FMNL2: variants seen among roughly 807,000 people sequenced by gnomAD.
The protein encoded by FMNL2 is formin-like protein 2.
Under a neutral mutation model 130.2 loss-of-function variants are expected in FMNL2, and 51 were observed. That is an observed-to-expected ratio of 0.39 (90% confidence interval 0.31 to 0.49). The LOEUF (loss-of-function observed/expected upper bound fraction) is 0.49, where lower values mean the gene tolerates loss of function less well. Among genes scored for constraint, FMNL2 ranks in the 20% least tolerant of loss-of-function variants. The probability of loss-of-function intolerance (pLI) is 0.85; values close to 1 mark genes in which losing one functional copy is unlikely to be tolerated. For missense variants in FMNL2, 977 were observed against 1,316.2 expected (o/e 0.74, Z 3.99); for synonymous variants, 465 against 467.1 (o/e 1.00, Z 0.06).
intron 11 of FMNL2, 127 bp from the exon 12 acceptor site, chr2:152,614,724 C>G: frequency 2.6e-6 from 2 of 757,626 alleles, no homozygotes; most frequent in African/African-American, 2.0e-5. Flanking sequence ...GCCTGGGTGA[C>G]AGAGTGAAAC....
chr2:152,419,636 T>A (rs1187983168), intron 1 of FMNL2, among the ~76,000 whole-genome samples: 4 of 152,114 alleles, frequency 2.6e-5, no homozygotes, highest in Non-Finnish European at 5.9e-5. Context: ...TTTAATAGCT[T>A]TTTTCTGGGA....
At chr2:152,495,206 A>G (rs1047021436) in intron 1 of FMNL2, among the ~76,000 whole-genome samples, 1 of 152,208 alleles carries the variant, frequency 6.6e-6, no homozygotes. Context: ...CAGGAATAAC[A>G]CTAAGGAATT....
At chr2:152,480,592 G>A (rs1690454952) in intron 1 of FMNL2, among the ~76,000 whole-genome samples, 1 of 121,634 alleles carries the variant, frequency 8.2e-6, no homozygotes, top group Non-Finnish European at 1.6e-5. Flanking sequence ...CCGAGATCAT[G>A]TCATTGCACT....
At chr2:152,487,883 G>A (rs1690922659) in intron 1 of FMNL2, among the ~76,000 whole-genome samples, 1 of 151,908 alleles carries the variant, frequency 6.6e-6, no homozygotes, top group South Asian at 2.1e-4. Flanking sequence ...CATCTCCTGG[G>A]TTCAAGTGAT....
intron 23 of FMNL2, 83 bp downstream of exon 23, chr2:152,637,757 G>A (rs548562796): frequency 2.1e-4 from 257 of 1,237,676 alleles, no homozygotes; most frequent in Non-Finnish European, 2.9e-4. Context: ...TCTCTGCAGA[G>A]GCCTCCCAGT....
chr2:152,477,659 G>A (rs150527074), intron 1 of FMNL2, among the ~76,000 whole-genome samples: 1 of 152,094 alleles, frequency 6.6e-6, no homozygotes, highest in African/African-American at 2.4e-5. Flanking sequence ...ATACAAATAG[G>A]TGAGGTTCTT....
intron 8 of FMNL2, among the ~76,000 whole-genome samples, chr2:152,580,522 T>A (rs1252587515): frequency 6.6e-6 from 1 of 152,218 alleles, no homozygotes; most frequent in Non-Finnish European, 1.5e-5. Flanking sequence ...GAGTTTCAGT[T>A]GATTTTGAAC....
At chr2:152,634,018 A>C (rs535424718) in intron 21 of FMNL2, among the ~76,000 whole-genome samples, 1 of 152,350 alleles carries the variant, frequency 6.6e-6, no homozygotes, top group African/African-American at 2.4e-5. Context: ...GTATTAGAGA[A>C]TCAAGGATGA....
At chr2:152,525,224 C>T (rs964240701) in intron 2 of FMNL2, among the ~76,000 whole-genome samples, 1 of 152,114 alleles carries the variant, frequency 6.6e-6, no homozygotes. Flanking sequence ...GGTTTCTTAC[C>T]GAAGTTTTGT....
rs371576320 is a variant in FMNL2, at chr2:152,397,341, C to T, written c.117+61621C>T. ...GTGGGGAAGACTTAGGGAAATTATTCGGATAGTTCAGTTCCTTTCCTTTTA... is the reference window on the plus strand; with the variant it reads ...GTGGGGAAGACTTAGGGAAATTATTTGGATAGTTCAGTTCCTTTCCTTTTA... On this transcript the variant is annotated intron_variant, in intron 1 of 25. Coordinates refer to ENST00000288670, the MANE Select transcript of FMNL2 (RefSeq NM_052905.4). Among the ~76,000 whole-genome samples the T allele has an allele frequency of 5.1e-4, 77 of 151,810 alleles. No individual in the cohort carries two copies. In the Middle Eastern group the frequency reaches 0.01, roughly 20 times the overall value.
chr2:152,604,341 G>C (rs1418528143), intron 9 of FMNL2, among the ~76,000 whole-genome samples: 1 of 150,026 alleles, frequency 6.7e-6, no homozygotes, highest in African/African-American at 2.4e-5. Context: ...CATAAATTGA[G>C]AGCATCAGAT....
chr2:152,512,154 T>C (rs1692527535), intron 1 of FMNL2, among the ~76,000 whole-genome samples: 1 of 152,164 alleles, frequency 6.6e-6, no homozygotes, highest in Admixed American at 6.5e-5. Context: ...CACAAATGTG[T>C]GGATTCAGAC....
chr2:152,392,835 C>A (rs13004473), intron 1 of FMNL2, among the ~76,000 whole-genome samples: 8,860 of 152,208 alleles, frequency 0.058, 319 homozygotes, highest in Non-Finnish European at 0.078. Flanking sequence ...GCTTCCTTGC[C>A]CTCTGGCTTC....
intron 1 of FMNL2, among the ~76,000 whole-genome samples, chr2:152,404,852 C>A (rs1393994559): frequency 6.6e-6 from 1 of 152,122 alleles, no homozygotes; most frequent in Non-Finnish European, 1.5e-5. Flanking sequence ...GTTGAAATAA[C>A]ATGAGATGGA....
chr2:152,444,190 CGAT>C (rs1180686271), intron 1 of FMNL2, among the ~76,000 whole-genome samples: 1 of 151,846 alleles, frequency 6.6e-6, no homozygotes, highest in Non-Finnish European at 1.5e-5. Flanking sequence ...GGGATTTTCA[CGAT>C]GATGATGATG....
At chr2:152,474,908 C>T (rs1386276382) in intron 1 of FMNL2, among the ~76,000 whole-genome samples, 1 of 152,172 alleles carries the variant, frequency 6.6e-6, no homozygotes, top group Non-Finnish European at 1.5e-5. Flanking sequence ...ATTTTTATCA[C>T]TAAGTTGATT....
At chr2:152,426,492 T>G (rs755752067) in intron 1 of FMNL2, among the ~76,000 whole-genome samples, 11 of 152,240 alleles carry the variant, frequency 7.2e-5, no homozygotes, top group Non-Finnish European at 1.3e-4. Context: ...TTTGTATGTA[T>G]AGTTCTTGAA....
chr2:152,448,764 A>G (rs1212629706), intron 1 of FMNL2, among the ~76,000 whole-genome samples: 1 of 152,228 alleles, frequency 6.6e-6, no homozygotes, highest in Non-Finnish European at 1.5e-5. Context: ...GTGAGGTAAG[A>G]AAAACATTTT....
chr2:152,417,284 G>A (rs962292017), intron 1 of FMNL2, among the ~76,000 whole-genome samples: 1 of 152,180 alleles, frequency 6.6e-6, no homozygotes, highest in African/African-American at 2.4e-5. Context: ...TTGGAGGTTG[G>A]TGTTGAACTT....
Sources: allele counts gnomAD v4.1 joint callset (sites outside exome capture counted in the v4.1 genomes callset), GRCh38; gene constraint gnomAD v4.1.1; transcripts MANE v1.5; gene names NCBI Gene and HGNC (gene_info 2026-07-23, HGNC 2026-07-21).